Variants in PHF19 observed in about 807,000 individuals in gnomAD.
PHF19 encodes the protein polycomb like 3.
Under a neutral mutation model 79.8 loss-of-function variants are expected in PHF19, and 21 were observed. The ratio of observed to expected loss-of-function variants is 0.26; its 90% CI spans 0.19 to 0.38. The LOEUF (loss-of-function observed/expected upper bound fraction) is 0.38. Among genes scored for constraint, PHF19 ranks in the 10% least tolerant of loss-of-function variants. PHF19 has a pLI of 1.00. For synonymous variants in PHF19, 273 were observed against 296.3 expected, an observed-to-expected ratio of 0.92 and a Z score of 0.81; for missense variants, 445 against 744.2, an observed-to-expected ratio of 0.60 and a Z score of 4.68.
At chr9:120,884,477 A>G (rs1427995890) in intron 1 of PHF19, among the ~76,000 whole-genome samples, 1 of 152,210 alleles carries the variant, frequency 6.6e-6, no homozygotes, top group Non-Finnish European at 1.5e-5. Context: ...CATGAAGGAG[A>G]CAAGATATAA....
At position 120,870,552 on chromosome 9, in the gene PHF19, C is replaced by T. The variant is rs556466386; in HGVS notation, c.269-14G>A. The T allele has an allele frequency of 2.0e-6, 3 of 1,491,992 alleles. No homozygotes were observed. The highest frequency in any genetic ancestry group is 3.3e-5 in the Admixed American group (2 of 59,860). The allele number at this position is 1,491,992 out of a possible 1,614,324, so 92.4% of individuals were successfully genotyped here. On this transcript the variant is annotated splice_polypyrimidine_tract_variant and intron_variant, in intron 3 of 14. Coordinates refer to ENST00000373896, the MANE Select transcript of PHF19 (RefSeq NM_015651.3). The surrounding 1 kb of genome is among the most constrained non-coding windows in gnomAD (Gnocchi z 4.4). Reference sequence around the variant, plus strand: ...CTGGAACACCGGCTGAAAGAGAGGGCCTCGAGGGTCGGGTCCAGCTCACAG... The same window carrying T: ...CTGGAACACCGGCTGAAAGAGAGGGTCTCGAGGGTCGGGTCCAGCTCACAG...
At chr9:120,892,102 C>T (rs942613103) in intron 1 of PHF19, among the ~76,000 whole-genome samples, 2 of 152,156 alleles carry the variant, frequency 1.3e-5, no homozygotes, top group African/African-American at 4.8e-5. Flanking sequence ...TGCCAAAAAT[C>T]TGAATTTTTA....
In PHF19 at chr9:120,869,812, A is replaced by G; in HGVS notation, c.465+33T>C. The G allele has an allele frequency of 2.5e-6, 4 of 1,612,630 alleles. No homozygotes were observed. The highest frequency in any genetic ancestry group is 3.4e-6 in the Non-Finnish European group (4 of 1,179,480). ...GGTCTGCCCCACTGGAGGAGGCAGG[A>G]GAGGCAGGGACTGGGGAGGATGGAA... On this transcript the variant is annotated intron_variant, in intron 5 of 14. Transcript: ENST00000373896. This position sits in a 1 kb window ranked among gnomAD's most constrained non-coding sequence, Gnocchi z 5.8.
chr9:120,866,750 T>C lies in PHF19; in HGVS notation c.710+120A>G. On this transcript the variant is annotated intron_variant, in intron 7 of 14. Transcript: ENST00000373896. The surrounding 1 kb of genome is among the most constrained non-coding windows in gnomAD (Gnocchi z 5.2). ...GCTGCCTCCAGTAAACAGGTAGGCA[T>C]ACATTGTCACAGACCTCCTCTTGTC... is the stretch of plus-strand genomic sequence containing the variant. The C allele has an allele frequency of 1.0e-5, 7 of 669,036 alleles. No individual in the cohort carries two copies. The highest frequency in any genetic ancestry group is 2.0e-5 in the Non-Finnish European group (7 of 358,594). 41.4% of individuals were successfully genotyped at this position (669,036 alleles called of 1,614,324 possible).
chr9:120,861,949 G>C lies in PHF19; in HGVS notation c.1187C>G (p.Ser396Ter), dbSNP rs1297668358. The change falls in exon 12 of 15, where the codon TCA (serine) becomes TGA (stop). Residue 396 changes from serine (S) to a stop codon, truncating the protein, a stop_gained. Transcript: ENST00000373896. LOFTEE classifies it high-confidence loss of function. Reference sequence around the variant, plus strand: ...AATAGCATCTTCCAGCAAAAACTTTGATCTTTTTCTTCTATAAACTCGCCT... The same window carrying C: ...AATAGCATCTTCCAGCAAAAACTTTCATCTTTTTCTTCTATAAACTCGCCT... ...QKRRVYRRKR[S>*]KFLLEDAIPS... 6.2e-7 allele frequency: 1 copy of C among 1,613,402 alleles called. No individual in the cohort carries two copies. The highest frequency in any genetic ancestry group is 1.7e-5 in the Admixed American group (1 of 60,032).
intron 1 of PHF19, chr9:120,894,744 C>G (rs2046384912): frequency 1.7e-6 from 2 of 1,143,384 alleles, no homozygotes; most frequent in Non-Finnish European, 2.2e-6. Context: ...GGCTCCCCAG[C>G]CTCGCGCCCG....
Position 120,873,983 on chromosome 9 carries a change from C to T in PHF19, c.264G>A (p.Gln88=), listed in dbSNP as rs1424004996. ...CGAAATGTTAGGAAAACTCACCATG[C>T]TGTATGTCCTTCCATAGGACCCAGT... The part of the protein sequence containing the change: ...SKYWVLWKDI[Q]HAGVPGEEPK... The change falls in exon 3 of 15, where the codon CAG becomes CAA. Residue 88 remains glutamine (Q), a synonymous_variant. Transcript: ENST00000373896. 1 of 1,568,530 alleles carries T rather than the reference C, an allele frequency of 6.4e-7. No homozygotes were observed. The highest frequency in any genetic ancestry group is 1.1e-5 in the South Asian group (1 of 90,016).
At chr9:120,864,896 T>C (rs750864638) in intron 9 of PHF19, among the ~76,000 whole-genome samples, 5 of 152,152 alleles carry the variant, frequency 3.3e-5, no homozygotes, top group Non-Finnish European at 5.9e-5. Context: ...TTTTAAAAAG[T>C]ATACTTCCTT....
intron 8 of PHF19, 87 bp from the exon 9 acceptor site, chr9:120,865,917 C>G (rs1328527262): frequency 5.0e-6 from 8 of 1,600,894 alleles, no homozygotes; most frequent in Non-Finnish European, 3.4e-6. Context: ...GGCTGAGAGA[C>G]AGGGGCAGGG....
chr9:120,885,099 C>T (rs4323544), intron 1 of PHF19, among the ~76,000 whole-genome samples: 104,250 of 151,908 alleles, frequency 0.69, 36,027 homozygotes, highest in Middle Eastern at 0.8. Context: ...GCACCTGCAG[C>T]GCCAACTACT....
the PHF19 span, among the ~76,000 whole-genome samples, chr9:120,901,540 G>T: frequency 6.6e-6 from 1 of 152,154 alleles, no homozygotes. Flanking sequence ...GCCTCCTTGG[G>T]CCAAGCACTT....
At chr9:120,890,886 G>T (rs2131597815) in intron 1 of PHF19, among the ~76,000 whole-genome samples, 1 of 152,270 alleles carries the variant, frequency 6.6e-6, no homozygotes, top group African/African-American at 2.4e-5. Context: ...TTCTTAGTTT[G>T]GCATACAAGG....
chr9:120,861,885 T>C, intron 12 of PHF19, 33 bp downstream of exon 12: 2 of 1,466,666 alleles, frequency 1.4e-6, no homozygotes, highest in Non-Finnish European at 1.9e-6. Context: ...ACCCTGCGTA[T>C]GAAAATGGAG....
At chr9:120,886,166 C>T (rs1208256990) in intron 1 of PHF19, among the ~76,000 whole-genome samples, 1 of 152,206 alleles carries the variant, frequency 6.6e-6, no homozygotes, top group Non-Finnish European at 1.5e-5. Flanking sequence ...TGGAGCTGCA[C>T]GGAGAGAGCC....
chr9:120,901,731 T>C, the PHF19 span, among the ~76,000 whole-genome samples: 1 of 152,108 alleles, frequency 6.6e-6, no homozygotes, highest in Non-Finnish European at 1.5e-5. Flanking sequence ...GCACCTGGTA[T>C]TCTAAGTGCA....
chr9:120,897,502 TG>T (rs2046411945), upstream of PHF19, among the ~76,000 whole-genome samples: 1 of 152,210 alleles, frequency 6.6e-6, no homozygotes, highest in Non-Finnish European at 1.5e-5. Flanking sequence ...GCCAAGGCAC[TG>T]AAAAAGTCCT....
Position 120,861,112 on chromosome 9 carries a change from C to G in PHF19, c.1281G>C (p.Leu427=). The G allele has an allele frequency of 6.2e-7, 1 of 1,607,596 alleles. No individual in the cohort carries two copies. The highest frequency in any genetic ancestry group is 1.1e-5 in the South Asian group (1 of 90,938). The change falls in exon 13 of 15, where the codon CTG becomes CTC. Residue 427 remains leucine, a synonymous_variant. Transcript: ENST00000373896. ...HHLASIFDFT[L]DEIQSLKSAS... is the part of the protein sequence containing the mutation. ...ACCTTTTTAAACTTTGAATTTCATCCAGCGTGAAGTCAAATATGCTAGCCA... is the reference window on the plus strand; with the variant it reads ...ACCTTTTTAAACTTTGAATTTCATCGAGCGTGAAGTCAAATATGCTAGCCA...
chr9:120,878,026 G>A (rs1564513405), upstream of PHF19, among the ~76,000 whole-genome samples: 1 of 152,220 alleles, frequency 6.6e-6, no homozygotes, highest in Non-Finnish European at 1.5e-5. Context: ...GTGGAAATAG[G>A]TTAGTGGGTG....
intron 3 of PHF19, among the ~76,000 whole-genome samples, chr9:120,873,749 C>T (rs1193901940): frequency 2.0e-5 from 3 of 152,220 alleles, no homozygotes; most frequent in Admixed American, 6.5e-5. Flanking sequence ...CCCCACCTGC[C>T]CATCCTCCCT....
Sources: allele counts gnomAD v4.1 joint callset (sites outside exome capture counted in the v4.1 genomes callset), GRCh38; gene constraint gnomAD v4.1.1; non-coding constraint Gnocchi (gnomAD v3.1); transcripts MANE v1.5; gene names NCBI Gene and HGNC (gene_info 2026-07-23, HGNC 2026-07-21).